Variants in UQCC2 observed in about 807,000 individuals in gnomAD.
UQCC2 encodes breast cancer-associated protein SGA-81M.
UQCC2 carries 21 observed loss-of-function variants against 19.9 expected under a neutral mutation model. The observed-to-expected ratio is 1.05, with a 90% confidence interval of 0.75 to 1.52. The LOEUF (loss-of-function observed/expected upper bound fraction) is 1.52, where lower values mean the gene tolerates loss of function less well. UQCC2 is among the 40% of genes most tolerant of loss of function. The pLI, the probability that UQCC2 is intolerant of heterozygous loss-of-function variation, is 0.00. For synonymous variants in UQCC2, 57 were observed against 60.9 expected, an observed-to-expected ratio of 0.94 and a Z score of 0.30; for missense variants, 135 against 157.5, an observed-to-expected ratio of 0.86 and a Z score of 0.76.
intron 1 of UQCC2, among the ~76,000 whole-genome samples, chr6:33,703,062 C>T (rs1765658513): frequency 6.6e-6 from 1 of 152,198 alleles, no homozygotes; most frequent in South Asian, 2.1e-4. Flanking sequence ...TCTGAGTGGA[C>T]AGAATGAATG....
At chr6:33,710,300 T>C (rs149235570) in intron 1 of UQCC2, among the ~76,000 whole-genome samples, 2 of 152,144 alleles carry the variant, frequency 1.3e-5, no homozygotes, top group Admixed American at 1.3e-4. Flanking sequence ...AATAGTCTTT[T>C]AAAAAGTAAA....
intron 1 of UQCC2, 58 bp from the exon 2 acceptor site, chr6:33,701,478 C>A: frequency 6.5e-7 from 1 of 1,543,514 alleles, no homozygotes; most frequent in South Asian, 1.2e-5. Flanking sequence ...CCCACAGTGT[C>A]TGTACCTTGA....
At chr6:33,704,528 T>C (rs942835945) in intron 1 of UQCC2, among the ~76,000 whole-genome samples, 1 of 152,224 alleles carries the variant, frequency 6.6e-6, no homozygotes, top group African/African-American at 2.4e-5. Flanking sequence ...CAGCAGTCAC[T>C]GAGCTCTCCA....
intron 1 of UQCC2, among the ~76,000 whole-genome samples, chr6:33,704,826 T>C (rs525623): frequency 0.81 from 123,518 of 152,052 alleles, 51,425 homozygotes; most frequent in East Asian, 0.99. Context: ...CACCAGTAGG[T>C]TGCTCAGCAA....
chr6:33,706,058 A>T (rs1195572441), intron 1 of UQCC2, among the ~76,000 whole-genome samples: 2 of 152,216 alleles, frequency 1.3e-5, no homozygotes, highest in African/African-American at 4.8e-5. Context: ...TTTTATACAT[A>T]CAAATCTACA....
chr6:33,709,774 A>G (rs1265706467), intron 1 of UQCC2, among the ~76,000 whole-genome samples: 1 of 152,138 alleles, frequency 6.6e-6, no homozygotes, highest in African/African-American at 2.4e-5. Flanking sequence ...CTGAAAAAAA[A>G]AAAACCCATG....
intron 1 of UQCC2, among the ~76,000 whole-genome samples, chr6:33,707,631 G>A (rs991933736): frequency 3.3e-5 from 5 of 152,204 alleles, no homozygotes; most frequent in Admixed American, 2.0e-4. Flanking sequence ...CTTCTAGGAC[G>A]CCCCTCGGAG....
At chr6:33,711,410 G>C in intron 1 of UQCC2, 139 bp downstream of exon 1, 1 of 1,271,162 alleles carries the variant, frequency 7.9e-7, no homozygotes, top group Non-Finnish European at 1.0e-6. Flanking sequence ...GCTCCCTGGG[G>C]GAAAAAGGGG....
At chr6:33,709,664 T>C (rs1290109355) in intron 1 of UQCC2, among the ~76,000 whole-genome samples, 2 of 151,762 alleles carry the variant, frequency 1.3e-5, no homozygotes, top group Non-Finnish European at 2.9e-5. Context: ...GGCCAGACAC[T>C]CCCCAGGCTG....
Position 33,696,835 on chromosome 6 carries a change from G to A in UQCC2, c.*818C>T, listed in dbSNP as rs1255383500. The A allele has an allele frequency of 6.6e-6, 1 of 152,272 alleles. No homozygotes were observed. Among genetic ancestry groups the A allele is most frequent in the Non-Finnish European group, 1.5e-5 (1 of 68,060 alleles). 9.4% of individuals were successfully genotyped at this position (152,272 alleles called of 1,614,324 possible). A position where few individuals can be genotyped will look rare whatever the true frequency, so the allele number is the denominator to read the frequency against. On this transcript the variant is annotated 3_prime_UTR_variant, in exon 4 of 4. Coordinates refer to ENST00000607484, the MANE Select transcript of UQCC2 (RefSeq NM_032340.4). ...CCTGAGGAGTCTAGACACAGACGAG[G>A]TTAAGAACCCACTTCCACTTTGTAC...
rs138930854 is a variant in UQCC2, at chr6:33,700,994, C to G, written c.213+352G>C. 9.2e-5 allele frequency among the ~76,000 whole-genome samples: 14 copies of G among 152,320 alleles called. No individual in the cohort carries two copies. In the East Asian group the frequency reaches 2.7e-3, roughly 29 times the overall value. On this transcript the variant is annotated intron_variant, in intron 2 of 3. Coordinates refer to ENST00000607484, the MANE Select transcript of UQCC2 (RefSeq NM_032340.4). ...GAGGGCACTTTCCCAATCATCCCATCTTTATCACCAGAATGTGGGGAGGTG... is the reference window on the plus strand; with the variant it reads ...GAGGGCACTTTCCCAATCATCCCATGTTTATCACCAGAATGTGGGGAGGTG...
chr6:33,703,439 T>C (rs949850356), intron 1 of UQCC2, among the ~76,000 whole-genome samples: 5 of 152,126 alleles, frequency 3.3e-5, no homozygotes, highest in Non-Finnish European at 7.4e-5. Flanking sequence ...TGCTCACTTA[T>C]AAATTTAACA....
chr6:33,711,680 C>G lies in UQCC2; in HGVS notation c.7G>C (p.Ala3Pro), dbSNP rs527814256. The G allele has an allele frequency of 3.2e-5, 52 of 1,609,058 alleles. No homozygotes were observed. The East Asian group carries it at 1.1e-3, about 34-fold the overall frequency. Residue 3 changes from alanine (A) to proline (P), a missense_variant, in exon 1 of 4, where the codon GCC (alanine) becomes CCC (proline). Transcript: ENST00000607484. MA[A>P]SRYRRFLKLC... ...TTAAGAAAACGCCGGTACCGGCTGG[C>G]CGCCATCTTGGGCCCCGCGTGTTCC... is the stretch of plus-strand genomic sequence containing the variant.
At chr6:33,703,209 C>T (rs186047581) in intron 1 of UQCC2, among the ~76,000 whole-genome samples, 7 of 152,328 alleles carry the variant, frequency 4.6e-5, no homozygotes, top group Admixed American at 2.6e-4. Context: ...CAAGAGCTAA[C>T]GCTGGAGTGC....
Position 33,701,422 on chromosome 6 carries a change from T to C in UQCC2, c.139-2A>G. 6.2e-7 allele frequency: 1 copy of C among 1,612,898 alleles called. No homozygotes were observed. Among genetic ancestry groups the C allele is most frequent in the Non-Finnish European group, 8.5e-7 (1 of 1,179,516 alleles). On this transcript the variant is annotated splice_acceptor_variant, in intron 1 of 3. Coordinates refer to ENST00000607484, the MANE Select transcript of UQCC2 (RefSeq NM_032340.4). LOFTEE classifies it high-confidence loss of function. ...ATCACAGGCCTCAGGCTCTGCAACC[T>C]GAAAAGCAAAGAATCCCAAAGGAGG...
intron 3 of UQCC2, 47 bp from the exon 4 acceptor site, chr6:33,697,797 T>C (rs755841566): frequency 6.6e-7 from 1 of 1,526,250 alleles, no homozygotes; most frequent in Non-Finnish European, 9.0e-7. Flanking sequence ...AGTCTAAAAC[T>C]TGATGACATA....
chr6:33,710,172 T>G (rs1276815456), intron 1 of UQCC2, among the ~76,000 whole-genome samples: 1 of 152,220 alleles, frequency 6.6e-6, no homozygotes, highest in African/African-American at 2.4e-5. Flanking sequence ...TTCCATCTTC[T>G]GTGCTGCCGT....
intron 3 of UQCC2, among the ~76,000 whole-genome samples, chr6:33,698,997 A>G (rs1463853257): frequency 2.0e-5 from 3 of 152,190 alleles, no homozygotes; most frequent in Non-Finnish European, 4.4e-5. Flanking sequence ...AAGGTAACAG[A>G]AAAAAGCCCC....
At chr6:33,701,771 G>T (rs189324482) in intron 1 of UQCC2, among the ~76,000 whole-genome samples, 363 of 152,056 alleles carry the variant, frequency 2.4e-3, no homozygotes, top group Non-Finnish European at 3.7e-3. Flanking sequence ...CCTAACAAAG[G>T]GGGTGCTGGG....
Sources: gnomAD v4.1 joint callset for allele counts (sites outside exome capture counted in the v4.1 genomes callset) on GRCh38, gnomAD v4.1.1 for gene constraint, MANE v1.5 for transcripts, NCBI Gene and HGNC (gene_info 2026-07-23, HGNC 2026-07-21) for gene names.